Variants in SNX19 observed in about 807,000 individuals in gnomAD.
The protein encoded by SNX19 is sorting nexin 19.
In SNX19, 60 loss-of-function variants were observed where a neutral mutation model predicts 85.2. That is an observed-to-expected ratio of 0.70 (90% confidence interval 0.57 to 0.87). The LOEUF is 0.87. Ranked by LOEUF, SNX19 falls within the 40% of genes least tolerant of loss-of-function variation. The probability of loss-of-function intolerance (pLI) is 0.00; values close to 1 mark genes in which losing one functional copy is unlikely to be tolerated. For missense variants in SNX19, 1,201 were observed against 1,217.8 expected, an observed-to-expected ratio of 0.99 and a Z score of 0.21; for synonymous variants, 520 against 470.0, an observed-to-expected ratio of 1.11 and a Z score of -1.38.
intron 8 of SNX19, chr11:130,893,881 C>T (rs1454002238): frequency 2.9e-6 from 2 of 697,824 alleles, no homozygotes; most frequent in Non-Finnish European, 5.2e-6. Flanking sequence ...ATTTACCCAA[C>T]TCCCTCCCTG....
At chr11:130,894,270 G>T (rs915531403) in intron 8 of SNX19, among the ~76,000 whole-genome samples, 1 of 152,178 alleles carries the variant, frequency 6.6e-6, no homozygotes, top group Non-Finnish European at 1.5e-5. Flanking sequence ...TGCTCACTCT[G>T]TTCTGAATGA....
At chr11:130,883,684 A>C (rs1565510447) in intron 8 of SNX19, among the ~76,000 whole-genome samples, 2 of 152,158 alleles carry the variant, frequency 1.3e-5, no homozygotes, top group Non-Finnish European at 2.9e-5. Context: ...CCTGTCAGCA[A>C]ACAGAGGCTT....
At chr11:130,910,247 G>C in intron 3 of SNX19, 23 bp downstream of exon 3, 1 of 1,612,884 alleles carries the variant, frequency 6.2e-7, no homozygotes, top group Non-Finnish European at 8.5e-7. Context: ...GTGAGAACAA[G>C]GCCAAAAGAG....
At chr11:130,892,795 G>C (rs1290365176) in intron 8 of SNX19, 1 of 152,216 alleles carries the variant, frequency 6.6e-6, no homozygotes, top group Non-Finnish European at 1.5e-5. Flanking sequence ...AAATGTCTCT[G>C]TCTCTTCTTT....
chr11:130,884,134 C>T (rs964726066), intron 8 of SNX19, among the ~76,000 whole-genome samples: 1 of 152,134 alleles, frequency 6.6e-6, no homozygotes, highest in Non-Finnish European at 1.5e-5. Context: ...CCTTCCCTTC[C>T]TTTGGTTCTA....
chr11:130,878,418 C>G lies in SNX19; in HGVS notation c.*4G>C, dbSNP rs1318317444. 2 of 1,612,666 alleles carry G rather than the reference C, an allele frequency of 1.2e-6. No individual in the cohort carries two copies. Among genetic ancestry groups the G allele is most frequent in the Admixed American group, 1.7e-5 (1 of 59,840 alleles). On this transcript the variant is annotated 3_prime_UTR_variant, in exon 11 of 11. Transcript: ENST00000265909. ...TGACCTGGGAAGAAGGCGTGAATAA[C>G]CAGCTAAGAGGAGACACCCATCCTC...
At position 130,888,761 on chromosome 11, in the gene SNX19, T is replaced by C. The variant is rs548601513; in HGVS notation, c.2574-7955A>G. Among the ~76,000 whole-genome samples the C allele has an allele frequency of 9.8e-5, 15 of 152,342 alleles. No homozygotes were observed. In the South Asian group the frequency reaches 2.7e-3, roughly 27 times the overall value. ...TTTCTTAATGACCTTAGGTCTTTAA[T>C]GTTAAATATAAATTTGTTAAGTTTC... On this transcript the variant is annotated intron_variant, in intron 8 of 10. Transcript: ENST00000265909.
intron 8 of SNX19, 106 bp downstream of exon 8, chr11:130,903,149 A>C (rs1031323825): frequency 2.0e-5 from 30 of 1,514,670 alleles, no homozygotes; most frequent in Non-Finnish European, 2.6e-5. Flanking sequence ...GTAACAGAGA[A>C]TCTATCTTCT....
intron 8 of SNX19, among the ~76,000 whole-genome samples, chr11:130,886,238 A>T (rs1017989528): frequency 1.3e-5 from 2 of 152,152 alleles, no homozygotes; most frequent in African/African-American, 2.4e-5. Context: ...GTTTGTGATA[A>T]CATAAAAAGG....
Position 130,869,714 on chromosome 11 carries a change from T to C in SNX19, c.*8708A>G, listed in dbSNP as rs1294851418. On this transcript the variant is annotated 3_prime_UTR_variant, in exon 11 of 11. Coordinates refer to ENST00000265909, the MANE Select transcript of SNX19 (RefSeq NM_014758.3). ...TGTTTATTCTTAGGGTCGGTAGTTA[T>C]TCTGACTTCACAGAAGGGAATATCT... The C allele has an allele frequency of 6.6e-6, 1 of 152,216 alleles. No individual in the cohort carries two copies. Among genetic ancestry groups the C allele is most frequent in the African/African-American group, 2.4e-5 (1 of 41,452 alleles). 9.4% of individuals were successfully genotyped at this position (152,216 alleles called of 1,614,324 possible).
chr11:130,880,364 C>T (rs1258903858), intron 9 of SNX19, among the ~76,000 whole-genome samples: 2 of 152,214 alleles, frequency 1.3e-5, no homozygotes, highest in Admixed American at 6.5e-5. Context: ...ACCTAAATAT[C>T]TGCAGGATTG....
chr11:130,902,968 A>C, intron 8 of SNX19: 1 of 291,808 alleles, frequency 3.4e-6, no homozygotes, highest in South Asian at 4.7e-5. Context: ...AACTGGGTGG[A>C]AAATTGAGAG....
intron 8 of SNX19, among the ~76,000 whole-genome samples, chr11:130,889,632 T>C (rs1944360454): frequency 6.6e-6 from 1 of 152,188 alleles, no homozygotes; most frequent in Non-Finnish European, 1.5e-5. Context: ...ATTCCAGTAC[T>C]CTCATCTATC....
rs1313586767 is a variant in SNX19 at position 130,877,881 on chromosome 11, T to C, written c.*541A>G. 1 of 152,430 alleles carries C rather than the reference T, an allele frequency of 6.6e-6. No individual in the cohort carries two copies. Among genetic ancestry groups the C allele is most frequent in the African/African-American group, 2.4e-5 (1 of 41,456 alleles). 9.4% of individuals were successfully genotyped at this position (152,430 alleles called of 1,614,324 possible). On this transcript the variant is annotated 3_prime_UTR_variant, in exon 11 of 11. Coordinates refer to ENST00000265909, the MANE Select transcript of SNX19 (RefSeq NM_014758.3). ...CTTGAAAAATTTTCTTCCCTCCTTC[T>C]TCTTCTGGAACTGTTGGGAAACTAG... is the stretch of plus-strand genomic sequence containing the variant.
rs543693045 is a variant in SNX19 at position 130,871,573 on chromosome 11, G to C, written c.*6849C>G. ...AGGAGCAGGATGATTCTTCACCCAG[G>C]GGCACGGGCAAAAGGGCTGATTACC... On this transcript the variant is annotated 3_prime_UTR_variant, in exon 11 of 11. Coordinates refer to ENST00000265909, the MANE Select transcript of SNX19 (RefSeq NM_014758.3). Among the ~76,000 whole-genome samples, 2 of 152,118 alleles carry C rather than the reference G, an allele frequency of 1.3e-5. No individual in the cohort carries two copies. Among genetic ancestry groups the C allele is most frequent in the Non-Finnish European group, 2.9e-5 (2 of 68,028 alleles).
At chr11:130,897,304 G>C (rs913572801) in intron 8 of SNX19, among the ~76,000 whole-genome samples, 3 of 151,450 alleles carry the variant, frequency 2.0e-5, no homozygotes, top group Non-Finnish European at 4.4e-5. Flanking sequence ...CTTTCCCCCT[G>C]GCTTTCTGCC....
chr11:130,870,825 T>TG lies in SNX19; in HGVS notation c.*7596dup, dbSNP rs5795702. Among the ~76,000 whole-genome samples the TG allele has an allele frequency of 0.073, 10,875 of 148,022 alleles. 472 individuals are homozygous for TG. Among genetic ancestry groups the TG allele is most frequent in the African/African-American group, 0.13 (5,156 of 40,226 alleles). ...CATGCACTAGGTATATACATATAGT[T>TG]GGGGGGGGGGCATAAGGACATAATA... On this transcript the variant is annotated 3_prime_UTR_variant, in exon 11 of 11. Coordinates refer to ENST00000265909, the MANE Select transcript of SNX19 (RefSeq NM_014758.3).
At position 130,873,287 on chromosome 11, in the gene SNX19, G is replaced by A. The variant is rs1943097100; in HGVS notation, c.*5135C>T. Among the ~76,000 whole-genome samples, 1 of 152,118 alleles carries A rather than the reference G, an allele frequency of 6.6e-6. No individual in the cohort carries two copies. The highest frequency in any genetic ancestry group is 2.4e-5 in the African/African-American group (1 of 41,414). ...ATGAATTGTCTACAACTGTTTTTAC[G>A]CTACAGTGGAAAAGCTGAGTAGTTA... On this transcript the variant is annotated 3_prime_UTR_variant, in exon 11 of 11. Transcript: ENST00000265909.
At position 130,903,321 on chromosome 11, in the gene SNX19, C is replaced by T. The variant is rs1225230454; in HGVS notation, c.2507G>A (p.Trp836Ter). The change falls in exon 8 of 11, where the codon TGG becomes TAG. Residue 836 changes from tryptophan (W) to a stop codon, truncating the protein, a stop_gained. Transcript: ENST00000265909. LOFTEE classifies it high-confidence loss of function. ...DLLLLLLTEQWKWLCTENMQK... is the reference protein window; with the variant it reads ...DLLLLLLTEQ ...CATGTTTTCGGTACATAGCCATTTC[C>T]ACTGTTCTGTTAGTAGCAAGAGGAG... 1.9e-6 allele frequency: 3 copies of T among 1,613,786 alleles called. No homozygotes were observed. Among genetic ancestry groups the T allele is most frequent in the South Asian group, 1.1e-5 (1 of 91,068 alleles).
Sources: gnomAD v4.1 joint callset for allele counts (sites outside exome capture counted in the v4.1 genomes callset) on GRCh38, gnomAD v4.1.1 for gene constraint, MANE v1.5 for transcripts, NCBI Gene and HGNC (gene_info 2026-07-23, HGNC 2026-07-21) for gene names.